The following AASDHPPT variants were observed in gnomAD, a reference collection of about 807,000 sequenced individuals.
AASDHPPT encodes the protein L-aminoadipate-semialdehyde dehydrogenase-phosphopantetheinyl transferase.
A neutral mutation model predicts 36.4 loss-of-function variants in AASDHPPT; 23 were observed. That is an observed-to-expected ratio of 0.63 (90% CI 0.45 to 0.89). The LOEUF is 0.89. AASDHPPT is among the 40% of genes least tolerant of loss of function. The pLI, the probability that AASDHPPT is intolerant of heterozygous loss-of-function variation, is 0.00. For synonymous variants in AASDHPPT, 115 were observed against 128.0 expected, an observed-to-expected ratio of 0.90 and a Z score of 0.68; for missense variants, 377 against 378.2, an observed-to-expected ratio of 1.00 and a Z score of 0.03.
chr11:106,079,142 A>G (rs957054192), intron 1 of AASDHPPT, among the ~76,000 whole-genome samples: 6 of 152,234 alleles, frequency 3.9e-5, no homozygotes, highest in Non-Finnish European at 7.3e-5. Context: ...AGAATACTGC[A>G]TAAGTATAAT....
intron 1 of AASDHPPT, 78 bp from the exon 2 acceptor site, chr11:106,079,389 A>G (rs1026155223): frequency 1.6e-6 from 2 of 1,275,660 alleles, no homozygotes; most frequent in African/African-American, 3.0e-5. Context: ...AGAAACCAAA[A>G]AAAAGTACTA....
In AASDHPPT at chr11:106,091,430, A is replaced by T. The variant is rs1449516852; in HGVS notation, c.646A>T (p.Thr216Ser). Residue 216 changes from threonine to serine, a missense_variant, in exon 4 of 6, where the codon ACA (threonine) becomes TCA (serine). Coordinates refer to ENST00000278618, the MANE Select transcript of AASDHPPT (RefSeq NM_015423.3). Reference sequence around the variant, plus strand: ...GGATATAGGCCAAGTTTATAAAGAAACACGTTTATTCCTGGATGGAGAGGA... The same window carrying T: ...GGATATAGGCCAAGTTTATAAAGAATCACGTTTATTCCTGGATGGAGAGGA... ...NLDIGQVYKE[T>S]RLFLDGEEEK... The T allele has an allele frequency of 1.2e-6, 2 of 1,603,726 alleles. No individual in the cohort carries two copies. The highest frequency in any genetic ancestry group is 2.7e-5 in the African/African-American group (2 of 74,106).
At chr11:106,093,257 T>G (rs1861274420) in intron 4 of AASDHPPT, 1 of 152,208 alleles carries the variant, frequency 6.6e-6, no homozygotes, top group Admixed American at 6.5e-5. Flanking sequence ...TTAACATTCT[T>G]TAGTGTCCAA....
chr11:106,090,677 G>T lies in AASDHPPT; in HGVS notation c.530G>T (p.Trp177Leu). The T allele has an allele frequency of 6.3e-7, 1 of 1,579,178 alleles. No individual in the cohort carries two copies. Among genetic ancestry groups the T allele is most frequent in the South Asian group, 1.2e-5 (1 of 84,464 alleles). ...CAGCTGGATATGTTTTATAGGAATT[G>T]GGTATAATTCTTTCTAATTTTGAAA... ...WTQLDMFYRN[W>L]ALKESFIKAI... The change falls in exon 3 of 6, where the codon TGG (tryptophan) becomes TTG (leucine). Residue 177 changes from tryptophan to leucine, a missense_variant and splice_region_variant. Coordinates refer to ENST00000278618, the MANE Select transcript of AASDHPPT (RefSeq NM_015423.3).
At position 106,098,690 on chromosome 11, in the gene AASDHPPT, A is replaced by G. The variant is rs917682489; in HGVS notation, c.*1783A>G. ...AATAATAAAAAAATGAACATTTATTATGGAATTTCTATGAGCCTGACACTG... is the reference window on the plus strand; with the variant it reads ...AATAATAAAAAAATGAACATTTATTGTGGAATTTCTATGAGCCTGACACTG... On this transcript the variant is annotated 3_prime_UTR_variant, in exon 6 of 6. Coordinates refer to ENST00000278618, the MANE Select transcript of AASDHPPT (RefSeq NM_015423.3). The G allele has an allele frequency of 6.6e-6, 1 of 152,012 alleles. No individual in the cohort carries two copies. The highest frequency in any genetic ancestry group is 2.4e-5 in the African/African-American group (1 of 41,422). 9.4% of individuals were successfully genotyped at this position (152,012 alleles called of 1,614,324 possible).
intron 2 of AASDHPPT, among the ~76,000 whole-genome samples, chr11:106,089,870 A>G (rs1161591002): frequency 1.3e-5 from 2 of 152,030 alleles, no homozygotes; most frequent in Admixed American, 6.6e-5. Context: ...TAGTGGCACT[A>G]AAGATATATT....
intron 2 of AASDHPPT, among the ~76,000 whole-genome samples, chr11:106,079,969 A>G (rs981431289): frequency 6.6e-6 from 1 of 152,226 alleles, no homozygotes; most frequent in African/African-American, 2.4e-5. Flanking sequence ...TTTGAATTAT[A>G]CTTCAATTTA....
Position 106,090,598 on chromosome 11 carries a change from AAGT to A in AASDHPPT, c.452_454del (p.Lys151_Phe152delinsIle), listed in dbSNP as rs904494204. On this transcript the variant is annotated inframe_deletion, in exon 3 of 6. Transcript: ENST00000278618. ...AGAATTCTTTCATATTATGAAAAGA[AAGT>A]TTACCAACAAAGAATGGGAAACAAT... is the stretch of plus-strand genomic sequence containing the variant. The A allele has an allele frequency of 7.5e-6, 12 of 1,600,056 alleles. No individual in the cohort carries two copies. Among genetic ancestry groups the A allele is most frequent in the Non-Finnish European group, 1.0e-5 (12 of 1,175,332 alleles).
chr11:106,090,419 G>T, intron 2 of AASDHPPT, 138 bp from the exon 3 acceptor site: 1 of 610,466 alleles, frequency 1.6e-6, no homozygotes, highest in Non-Finnish European at 2.6e-6. Context: ...ATTTTGTTTA[G>T]GATTATTTTA....
At chr11:106,093,629 G>A (rs973282622) in intron 4 of AASDHPPT, 1 of 151,478 alleles carries the variant, frequency 6.6e-6, no homozygotes, top group Non-Finnish European at 1.5e-5. Context: ...AAATGAAAAA[G>A]CTCCCTAAGT....
chr11:106,096,818 G>T lies in AASDHPPT; in HGVS notation c.841G>T (p.Ala281Ser). The T allele has an allele frequency of 6.2e-7, 1 of 1,611,516 alleles. No individual in the cohort carries two copies. ...ILNFNDLMSS[A>S]VPMTPEDPSF... is the part of the protein sequence containing the mutation. The stretch of plus-strand genomic sequence containing the variant: ...CAACTTTAATGATTTAATGTCATCT[G>T]CCGTTCCCATGACACCTGAAGATCC... Residue 281 changes from alanine (A) to serine (S), a missense_variant, in exon 6 of 6, where the codon GCC becomes TCC. Coordinates refer to ENST00000278618, the MANE Select transcript of AASDHPPT (RefSeq NM_015423.3).
intron 2 of AASDHPPT, among the ~76,000 whole-genome samples, chr11:106,086,898 T>C (rs1376747814): frequency 3.3e-5 from 5 of 152,290 alleles, no homozygotes; most frequent in Non-Finnish European, 5.9e-5. Flanking sequence ...GCAGAGTAAA[T>C]TCATTAGGTT....
intron 2 of AASDHPPT, among the ~76,000 whole-genome samples, chr11:106,081,528 A>G (rs1861141582): frequency 6.6e-6 from 1 of 152,214 alleles, no homozygotes; most frequent in South Asian, 2.1e-4. Context: ...GAATTAGCCC[A>G]TATATTCTTG....
chr11:106,086,407 ACTTTAATTAGGTATGACCTGAT>A (rs1159102336), intron 2 of AASDHPPT: 3 of 152,072 alleles, frequency 2.0e-5, no homozygotes, highest in African/African-American at 7.2e-5. Context: ...TTCAGGGCTC[ACTTTAATTAGGTATGACCTGAT>A]CTTAACTTGA....
intron 1 of AASDHPPT, 151 bp downstream of exon 1, chr11:106,078,044 G>A: frequency 9.2e-7 from 1 of 1,082,472 alleles, no homozygotes; most frequent in Non-Finnish European, 1.3e-6. Context: ...CGGCGCTGCG[G>A]AGTTGTGGGC....
At chr11:106,091,101 T>C (rs1861251674) in intron 3 of AASDHPPT, among the ~76,000 whole-genome samples, 1 of 152,100 alleles carries the variant, frequency 6.6e-6, no homozygotes, top group Admixed American at 6.6e-5. Context: ...GCAGGTTACA[T>C]ACGAGGGGAT....
At chr11:106,093,439 G>A (rs991583339) in intron 4 of AASDHPPT, 1 of 152,010 alleles carries the variant, frequency 6.6e-6, no homozygotes, top group African/African-American at 2.4e-5. Flanking sequence ...TTTGTTTAAA[G>A]AGAAAACAGA....
rs1389869539 is a variant in AASDHPPT at position 106,097,800 on chromosome 11, A to G, written c.*893A>G. On this transcript the variant is annotated 3_prime_UTR_variant, in exon 6 of 6. Coordinates refer to ENST00000278618, the MANE Select transcript of AASDHPPT (RefSeq NM_015423.3). ...CATTTTTGGTCTCTGTTAGAAGTAG[A>G]CTCTGTTGAAAAGAAAGAAGCTAAG... 2 of 152,032 alleles carry G rather than the reference A, an allele frequency of 1.3e-5. No homozygotes were observed. Among genetic ancestry groups the G allele is most frequent in the Non-Finnish European group, 2.9e-5 (2 of 67,974 alleles). The allele number at this position is 152,032 out of a possible 1,614,324, so 9.4% of individuals were successfully genotyped here. A position where few individuals can be genotyped will look rare whatever the true frequency, so the allele number is the denominator to read the frequency against.
intron 2 of AASDHPPT, among the ~76,000 whole-genome samples, chr11:106,081,643 G>C (rs1861142624): frequency 6.6e-6 from 1 of 152,096 alleles, no homozygotes; most frequent in Non-Finnish European, 1.5e-5. Flanking sequence ...AATTGGCCCA[G>C]TGGGTTGGTA....
Sources: gnomAD v4.1 joint callset for allele counts (sites outside exome capture counted in the v4.1 genomes callset) on GRCh38, gnomAD v4.1.1 for gene constraint, MANE v1.5 for transcripts, NCBI Gene and HGNC (gene_info 2026-07-23, HGNC 2026-07-21) for gene names.